Variants in FBXO42 observed in about 807,000 individuals in gnomAD.
FBXO42 encodes the protein F-box protein 42, also known as F-box only protein 42.
A neutral mutation model predicts 71.7 loss-of-function variants in FBXO42; 12 were observed. The observed-to-expected ratio is 0.17, with a 90% CI of 0.11 to 0.27. The LOEUF (loss-of-function observed/expected upper bound fraction) is 0.27. Ranked by LOEUF, FBXO42 falls within the 10% of genes least tolerant of loss-of-function variation. The probability of loss-of-function intolerance (pLI) is 1.00; values close to 1 mark genes in which losing one functional copy is unlikely to be tolerated. For missense variants in FBXO42, 707 were observed against 911.9 expected (o/e 0.78, Z 2.89); for synonymous variants, 325 against 327.5 (o/e 0.99, Z 0.08).
chr1:16,283,529 G>C (rs528470331), intron 4 of FBXO42, among the ~76,000 whole-genome samples: 3 of 53,880 alleles, frequency 5.6e-5, no homozygotes, highest in African/African-American at 1.6e-4. Context: ...AGACAGTCTC[G>C]CTCTGTCGCC....
At chr1:16,305,747 T>A in intron 3 of FBXO42, 56 bp downstream of exon 3, 3 of 1,455,552 alleles carry the variant, frequency 2.1e-6, no homozygotes, top group Non-Finnish European at 2.9e-6. Context: ...ACCAAACAAG[T>A]TTCTGGAAAT....
chr1:16,253,028 A>G, intron 8 of FBXO42, 68 bp downstream of exon 8: 1 of 1,378,148 alleles, frequency 7.3e-7, no homozygotes, highest in Non-Finnish European at 1.0e-6. Context: ...CTAGAAAAGA[A>G]GACAGGGGAA....
chr1:16,261,309 T>A lies in FBXO42; in HGVS notation c.503-4550A>T, dbSNP rs546405293. 8.5e-5 allele frequency among the ~76,000 whole-genome samples: 13 copies of A among 152,328 alleles called. No individual in the cohort carries two copies. The South Asian group carries it at 2.7e-3, about 32-fold the overall frequency. On this transcript the variant is annotated intron_variant, in intron 4 of 9. Coordinates refer to ENST00000375592, the MANE Select transcript of FBXO42 (RefSeq NM_018994.3). ...CCAAGGAAAGGTAAGCTGAGGCCAG[T>A]GATAATGATAAATCAATATAAGAGA...
chr1:16,307,799 G>A (rs1291371814), intron 2 of FBXO42, among the ~76,000 whole-genome samples: 1 of 152,114 alleles, frequency 6.6e-6, no homozygotes, highest in Non-Finnish European at 1.5e-5. Context: ...ACTAAATAAA[G>A]AGATAGTCCA....
At chr1:16,343,684 G>A (rs531832839) in intron 1 of FBXO42, among the ~76,000 whole-genome samples, 2 of 152,154 alleles carry the variant, frequency 1.3e-5, no homozygotes, top group East Asian at 3.9e-4. Context: ...TTAGCCAGGC[G>A]TGGTGGTGGG....
chr1:16,284,292 G>C (rs1215793478), intron 4 of FBXO42, among the ~76,000 whole-genome samples: 2 of 152,124 alleles, frequency 1.3e-5, no homozygotes, highest in East Asian at 3.8e-4. Flanking sequence ...GTCATAAAGC[G>C]ATCAATAGAG....
Position 16,251,543 on chromosome 1 carries a change from G to A in FBXO42, c.1281C>T (p.Ser427=). 1 of 1,614,144 alleles carries A rather than the reference G, an allele frequency of 6.2e-7. No homozygotes were observed. Residue 427 remains serine, a synonymous_variant, in exon 10 of 10, where the codon AGC becomes AGT. Coordinates refer to ENST00000375592, the MANE Select transcript of FBXO42 (RefSeq NM_018994.3). This position sits in a 1 kb window ranked among gnomAD's most constrained non-coding sequence, Gnocchi z 4.5. The part of the protein sequence containing the change: ...RQTPSGSREG[S]LSPARGDGSP... The stretch of plus-strand genomic sequence containing the variant: ...AGCCGTCTCCTCTGGCTGGGGAAAG[G>A]CTCCCTTCCCGGGAACCTGAAGGAG...
At chr1:16,255,846 T>C in intron 5 of FBXO42, 25 bp from the exon 6 acceptor site, 1 of 1,558,790 alleles carries the variant, frequency 6.4e-7, no homozygotes, top group East Asian at 2.2e-5. Context: ...CAGGAGGAAG[T>C]CAAGAAGTCA....
At chr1:16,338,086 C>T (rs1415294630) in intron 1 of FBXO42, among the ~76,000 whole-genome samples, 1 of 151,030 alleles carries the variant, frequency 6.6e-6, no homozygotes, top group African/African-American at 2.4e-5. Context: ...AGTGAAACCC[C>T]GTCTCCACTA....
chr1:16,312,039 A>C (rs1347396141), intron 2 of FBXO42, among the ~76,000 whole-genome samples: 5 of 150,854 alleles, frequency 3.3e-5, no homozygotes, highest in Admixed American at 6.6e-5. Flanking sequence ...CAGCACTAAC[A>C]AAAAAAAAGC....
At chr1:16,291,743 C>G (rs1045713706) in intron 4 of FBXO42, among the ~76,000 whole-genome samples, 1 of 152,122 alleles carries the variant, frequency 6.6e-6, no homozygotes, top group Non-Finnish European at 1.5e-5. Context: ...GCAATCATCA[C>G]TCACTGTAGC....
intron 4 of FBXO42, among the ~76,000 whole-genome samples, chr1:16,260,761 C>A (rs1055719581): frequency 6.6e-6 from 1 of 152,070 alleles, no homozygotes; most frequent in Non-Finnish European, 1.5e-5. Flanking sequence ...AGTGGTGTGA[C>A]TGATCATGGC....
At chr1:16,272,726 T>C (rs1263564949) in intron 4 of FBXO42, among the ~76,000 whole-genome samples, 3 of 152,184 alleles carry the variant, frequency 2.0e-5, no homozygotes, top group Admixed American at 1.3e-4. Context: ...GTAGGATACT[T>C]TGGGTAAAAG....
intron 4 of FBXO42, among the ~76,000 whole-genome samples, chr1:16,273,257 C>A (rs2081864221): frequency 6.6e-6 from 1 of 152,180 alleles, no homozygotes; most frequent in Non-Finnish European, 1.5e-5. Flanking sequence ...TATGGTATTA[C>A]TAACGAGCCT....
At chr1:16,341,541 G>A (rs1469863330) in intron 1 of FBXO42, among the ~76,000 whole-genome samples, 7 of 148,642 alleles carry the variant, frequency 4.7e-5, no homozygotes, top group African/African-American at 1.2e-4. Flanking sequence ...TGGGGAGGCA[G>A]AGGTTGCAGT....
rs1282961385 is a variant in FBXO42 at position 16,247,375 on chromosome 1, A to T, written c.*3295T>A. 6.6e-6 allele frequency: 1 copy of T among 152,350 alleles called. No individual in the cohort carries two copies. The highest frequency in any genetic ancestry group is 1.5e-5 in the Non-Finnish European group (1 of 68,098). 9.4% of individuals were successfully genotyped at this position (152,350 alleles called of 1,614,324 possible). A position where few individuals can be genotyped will look rare whatever the true frequency, so the allele number is the denominator to read the frequency against. On this transcript the variant is annotated 3_prime_UTR_variant, in exon 10 of 10. Coordinates refer to ENST00000375592, the MANE Select transcript of FBXO42 (RefSeq NM_018994.3). ...TCACCACAAGGACAAGGACAGACAG[A>T]CAGACCAACCAGGAATACCACTTTT...
intron 3 of FBXO42, 36 bp downstream of exon 3, chr1:16,305,767 G>C: frequency 1.3e-6 from 2 of 1,539,652 alleles, no homozygotes. Context: ...TATGACCACA[G>C]GCAGGGTGGA....
chr1:16,299,419 C>T (rs1396431178), intron 3 of FBXO42, among the ~76,000 whole-genome samples: 1 of 152,116 alleles, frequency 6.6e-6, no homozygotes, highest in Non-Finnish European at 1.5e-5. Flanking sequence ...TGGCATTTTC[C>T]TGCTTCTCTT....
intron 1 of FBXO42, among the ~76,000 whole-genome samples, chr1:16,343,964 A>AC (rs1222779222): frequency 3.3e-5 from 5 of 151,682 alleles, no homozygotes; most frequent in African/African-American, 4.8e-5. Context: ...AAAAAAAAAA[A>AC]AACAACAACA....
Sources: gnomAD v4.1 joint callset for allele counts (sites outside exome capture counted in the v4.1 genomes callset) on GRCh38, gnomAD v4.1.1 for gene constraint, Gnocchi (gnomAD v3.1) non-coding constraint, MANE v1.5 for transcripts, NCBI Gene and HGNC (gene_info 2026-07-23, HGNC 2026-07-21) for gene names.